Variants in NCALD observed in about 807,000 individuals in gnomAD.
NCALD encodes the protein neurocalcin-delta.
A neutral mutation model predicts 18.6 loss-of-function variants in NCALD; 10 were observed. That is an observed-to-expected ratio of 0.54 (90% CI 0.33 to 0.91). The LOEUF is 0.91. Ranked by LOEUF, NCALD falls within the 40% of genes least tolerant of loss-of-function variation. The probability of loss-of-function intolerance (pLI) is 0.03; values close to 1 mark genes in which losing one functional copy is unlikely to be tolerated. For synonymous variants in NCALD, 88 were observed against 87.4 expected (o/e 1.01, Z -0.04); for missense variants, 184 against 247.6 (o/e 0.74, Z 1.72).
chr8:101,977,390 A>G (rs1023433134), intron 2 of NCALD, among the ~76,000 whole-genome samples: 3 of 152,204 alleles, frequency 2.0e-5, no homozygotes, highest in Non-Finnish European at 2.9e-5. Context: ...TTCTAAGAGA[A>G]TTGGGAGATT....
At chr8:101,731,923 C>A (rs1183874645) in intron 1 of NCALD, among the ~76,000 whole-genome samples, 4 of 152,304 alleles carry the variant, frequency 2.6e-5, no homozygotes, top group African/African-American at 9.6e-5. Context: ...AACAAAGAAA[C>A]TGTGGGAGTG....
chr8:101,742,023 G>A (rs535334852), intron 1 of NCALD, among the ~76,000 whole-genome samples: 2 of 151,302 alleles, frequency 1.3e-5, no homozygotes, highest in East Asian at 1.9e-4. Flanking sequence ...GGAGGCTGAG[G>A]TGGGAGGATC....
At position 101,827,481 on chromosome 8, in the gene NCALD, T is replaced by C. The variant is rs530561128; in HGVS notation, c.-20+59660A>G. ...CCTGAACAAATAGTACGTGAGATCA[T>C]GCCTTTTGCTTTGTTTCTGCAATTA... On this transcript the variant is annotated intron_variant, in intron 4 of 6. Coordinates refer to the NCALD transcript ENST00000311028. 5.3e-5 allele frequency among the ~76,000 whole-genome samples: 8 copies of C among 152,360 alleles called. No individual in the cohort carries two copies. The South Asian group carries it at 1.7e-3, about 32-fold the overall frequency.
intron 2 of NCALD, among the ~76,000 whole-genome samples, chr8:101,919,900 A>G (rs1818103658): frequency 6.6e-6 from 1 of 152,140 alleles, no homozygotes; most frequent in African/African-American, 2.4e-5. Flanking sequence ...TGGTGAGGCT[A>G]CAAAGAAAAG....
intron 1 of NCALD, among the ~76,000 whole-genome samples, chr8:102,035,423 C>T (rs1424231796): frequency 6.6e-6 from 1 of 152,024 alleles, no homozygotes; most frequent in Non-Finnish European, 1.5e-5. Context: ...TTGTTTTAGC[C>T]TGCCATGAGA....
rs111370315 is a variant in NCALD at position 101,798,967 on chromosome 8, G to A, written c.-19-79319C>T. Among the ~76,000 whole-genome samples the A allele has an allele frequency of 5.7e-3, 869 of 152,226 alleles. 11 individuals carry two copies. The highest frequency in any genetic ancestry group is 0.018 in the African/African-American group (763 of 41,548). ...ACCAAAATCATAATCTACAAAATAA[G>A]TAATTGATAATATAGACAAGGACCT... is the stretch of plus-strand genomic sequence containing the variant. On this transcript the variant is annotated intron_variant, in intron 4 of 6. Coordinates refer to the NCALD transcript ENST00000311028.
At chr8:102,108,497 C>T (rs536371667) in intron 1 of NCALD, among the ~76,000 whole-genome samples, 7 of 152,258 alleles carry the variant, frequency 4.6e-5, no homozygotes, top group African/African-American at 7.2e-5. Context: ...GGAAACAGCA[C>T]GCAATGCACT....
chr8:101,821,323 T>C (rs1298836959), intron 4 of NCALD, among the ~76,000 whole-genome samples: 1 of 152,236 alleles, frequency 6.6e-6, no homozygotes, highest in African/African-American at 2.4e-5. Flanking sequence ...ATTTATCATA[T>C]GCTCACCATA....
At chr8:102,072,730 T>C (rs1242761221) in intron 1 of NCALD, among the ~76,000 whole-genome samples, 1 of 152,188 alleles carries the variant, frequency 6.6e-6, no homozygotes, top group African/African-American at 2.4e-5. Context: ...ACATAAGCTA[T>C]ACAAAGCCAA....
chr8:101,896,301 T>G (rs1817167888), intron 3 of NCALD, among the ~76,000 whole-genome samples: 1 of 152,030 alleles, frequency 6.6e-6, no homozygotes, highest in Non-Finnish European at 1.5e-5. Context: ...CTGGGAAAAC[T>G]GGCTAGCCAT....
intron 3 of NCALD, among the ~76,000 whole-genome samples, chr8:101,901,873 C>T (rs1292139440): frequency 1.3e-5 from 2 of 152,052 alleles, no homozygotes; most frequent in African/African-American, 2.4e-5. Context: ...TCACTGCAAC[C>T]TCTGCCTCCT....
chr8:101,904,479 C>T (rs765567113), intron 3 of NCALD, among the ~76,000 whole-genome samples: 12 of 152,062 alleles, frequency 7.9e-5, no homozygotes, highest in East Asian at 1.9e-4. Flanking sequence ...TTAATCCCTC[C>T]GTTTATATCC....
chr8:101,690,506 A>G, intron 3 of NCALD: 1 of 985,382 alleles, frequency 1.0e-6, no homozygotes, highest in Non-Finnish European at 1.2e-6. Flanking sequence ...CATAGCCTCC[A>G]GTATCTATCT....
chr8:101,935,031 A>G (rs547290979), intron 2 of NCALD, among the ~76,000 whole-genome samples: 54 of 152,288 alleles, frequency 3.5e-4, no homozygotes, highest in African/African-American at 1.1e-3. Context: ...AGAAGTCTCA[A>G]ATTAAAGATC....
chr8:101,707,877 TAATAATAAATAAATAAATAAATA>T (rs755294541), intron 2 of NCALD, among the ~76,000 whole-genome samples: 4 of 151,302 alleles, frequency 2.6e-5, no homozygotes, highest in East Asian at 3.9e-4. Flanking sequence ...CAAAAAATGG[TAATAATAAATAAATAAATAAATA>T]AATAATAAAT....
chr8:101,845,481 C>T (rs1814829297), intron 4 of NCALD, among the ~76,000 whole-genome samples: 1 of 152,180 alleles, frequency 6.6e-6, no homozygotes, highest in Admixed American at 6.5e-5. Context: ...CAAGCCATCC[C>T]TATTGGTCCC....
Position 101,689,833 on chromosome 8 carries a change from A to G in NCALD, c.485-427T>C, listed in dbSNP as rs952612576. Reference sequence around the variant, plus strand: ...CCCTGGCAGCACCCGGTTGGTTCCCATAATGTTCCCTGGAGCCTTCTGAGC... The same window carrying G: ...CCCTGGCAGCACCCGGTTGGTTCCCGTAATGTTCCCTGGAGCCTTCTGAGC... On this transcript the variant is annotated intron_variant, in intron 3 of 3. Transcript: ENST00000220931. This position sits in a 1 kb window ranked among gnomAD's most constrained non-coding sequence, Gnocchi z 4.4. Among the ~76,000 whole-genome samples, 1 of 152,146 alleles carries G rather than the reference A, an allele frequency of 6.6e-6. No individual in the cohort carries two copies. Among genetic ancestry groups the G allele is most frequent in the Non-Finnish European group, 1.5e-5 (1 of 68,012 alleles).
intron 2 of NCALD, among the ~76,000 whole-genome samples, chr8:101,917,595 CA>C (rs972482728): frequency 4.1e-5 from 6 of 145,338 alleles, no homozygotes; most frequent in East Asian, 3.9e-4. Context: ...GCTAGATTAA[CA>C]AAAAAAAAGA....
At chr8:101,796,807 T>C (rs1213704504) in intron 4 of NCALD, among the ~76,000 whole-genome samples, 1 of 152,186 alleles carries the variant, frequency 6.6e-6, no homozygotes, top group African/African-American at 2.4e-5. Flanking sequence ...GAAAATATCT[T>C]GGGCCCCCAA....
Sources: allele counts gnomAD v4.1 joint callset (sites outside exome capture counted in the v4.1 genomes callset), GRCh38; gene constraint gnomAD v4.1.1; non-coding constraint Gnocchi (gnomAD v3.1); transcripts MANE v1.5; gene names NCBI Gene and HGNC (gene_info 2026-07-23, HGNC 2026-07-21).